HPGDS: variants seen among roughly 807,000 people sequenced by gnomAD.
The protein encoded by HPGDS is GST class-sigma.
HPGDS carries 26 observed loss-of-function variants against 23.1 expected under a neutral mutation model. The ratio of observed to expected loss-of-function variants is 1.13; its 90% CI spans 0.83 to 1.56. HPGDS has a LOEUF of 1.56. Among genes scored for constraint, HPGDS ranks in the 40% most tolerant of loss-of-function variants. The pLI is 0.00. For synonymous variants in HPGDS, 95 were observed against 77.9 expected (o/e 1.22, Z -1.16); for missense variants, 268 against 236.4 (o/e 1.13, Z -0.88).
chr4:94,299,414 G>T lies in HPGDS; in HGVS notation c.*66C>A. The T allele has an allele frequency of 1.4e-6, 2 of 1,381,410 alleles. No homozygotes were observed. Among genetic ancestry groups the T allele is most frequent in the African/African-American group, 1.4e-5 (1 of 69,350 alleles). The allele number at this position is 1,381,410 out of a possible 1,614,324, so 85.6% of individuals were successfully genotyped here. On this transcript the variant is annotated 3_prime_UTR_variant, in exon 6 of 6. Transcript: ENST00000295256. The stretch of plus-strand genomic sequence containing the variant: ...CATGTGGATTATCTGGCAGGCTGAT[G>T]TAGCTGTCTTATCTGATGAGAGAGA...
intron 1 of HPGDS, among the ~76,000 whole-genome samples, chr4:94,342,547 A>G (rs1721193999): frequency 6.6e-6 from 1 of 152,194 alleles, no homozygotes; most frequent in Admixed American, 6.5e-5. Context: ...TTTCTATGTT[A>G]AAATCCACTT....
chr4:94,314,074 A>T (rs1756340158), intron 3 of HPGDS, among the ~76,000 whole-genome samples: 3 of 152,232 alleles, frequency 2.0e-5, no homozygotes, highest in East Asian at 3.9e-4. Flanking sequence ...CTCCTTTGCC[A>T]TGGGTTCAAA....
chr4:94,332,865 CT>C (rs1756759370), intron 2 of HPGDS, among the ~76,000 whole-genome samples: 1 of 152,184 alleles, frequency 6.6e-6, no homozygotes, highest in Non-Finnish European at 1.5e-5. Flanking sequence ...CTTTACCATG[CT>C]TTGGCCTGCT....
intron 1 of HPGDS, among the ~76,000 whole-genome samples, chr4:94,336,452 G>A (rs1322114146): frequency 6.6e-6 from 1 of 152,146 alleles, no homozygotes; most frequent in Non-Finnish European, 1.5e-5. Flanking sequence ...GTTGTGGAGT[G>A]AAGCTGGTGC....
At chr4:94,325,872 G>A (rs765759131) in intron 2 of HPGDS, among the ~76,000 whole-genome samples, 59 of 152,118 alleles carry the variant, frequency 3.9e-4, no homozygotes, top group Admixed American at 1.9e-3. Context: ...CATCAGTCAC[G>A]CTGGGAGCTG....
chr4:94,299,516 A>C lies in HPGDS; in HGVS notation c.564T>G (p.Ala188=). 6.2e-7 allele frequency: 1 copy of C among 1,613,798 alleles called. No individual in the cohort carries two copies. The highest frequency in any genetic ancestry group is 8.5e-7 in the Non-Finnish European group (1 of 1,179,918). The part of the protein sequence containing the change: ...RKKVQAIPAV[A]NWIKRRPQTK... Reference sequence around the variant, plus strand: ...TTTGGGGCCTTCGTTTTATCCAGTTAGCGACGGCAGGAATGGCTTGGACTT... The same window carrying C: ...TTTGGGGCCTTCGTTTTATCCAGTTCGCGACGGCAGGAATGGCTTGGACTT... Residue 188 remains alanine, a synonymous_variant, in exon 6 of 6, where the codon GCT becomes GCG. Transcript: ENST00000295256.
At chr4:94,313,425 G>A (rs1003270788) in intron 3 of HPGDS, among the ~76,000 whole-genome samples, 1 of 152,156 alleles carries the variant, frequency 6.6e-6, no homozygotes, top group African/African-American at 2.4e-5. Flanking sequence ...ATGAAATTCT[G>A]GGTTGAAAAT....
chr4:94,306,837 T>G (rs901796258), intron 4 of HPGDS, among the ~76,000 whole-genome samples: 3 of 152,002 alleles, frequency 2.0e-5, no homozygotes, highest in Non-Finnish European at 4.4e-5. Context: ...GGAATTCTAC[T>G]ATAATGGAAC....
At position 94,313,610 on chromosome 4, in the gene HPGDS, T is replaced by C. The variant is rs1470848976; in HGVS notation, c.226+4263A>G. Among the ~76,000 whole-genome samples, 3 of 152,160 alleles carry C rather than the reference T, an allele frequency of 2.0e-5. 1 individual carries two copies. Among genetic ancestry groups the C allele is most frequent in the Non-Finnish European group, 2.9e-5 (2 of 68,038 alleles). ...TCAACTTTGGTGAATCTGACAATTATGTGTCTTGGAGTTGCTCTTCTCGAG... is the reference window on the plus strand; with the variant it reads ...TCAACTTTGGTGAATCTGACAATTACGTGTCTTGGAGTTGCTCTTCTCGAG... On this transcript the variant is annotated intron_variant, in intron 3 of 5. Coordinates refer to ENST00000295256, the MANE Select transcript of HPGDS (RefSeq NM_014485.3).
chr4:94,323,102 G>C (rs1019881035), intron 2 of HPGDS, among the ~76,000 whole-genome samples: 1 of 152,182 alleles, frequency 6.6e-6, no homozygotes, highest in African/African-American at 2.4e-5. Context: ...CTGAGTTCTA[G>C]TTTGATTGCA....
At chr4:94,323,210 G>A (rs950729145) in intron 2 of HPGDS, among the ~76,000 whole-genome samples, 1 of 152,122 alleles carries the variant, frequency 6.6e-6, no homozygotes, top group African/African-American at 2.4e-5. Context: ...GAATAAGTGT[G>A]GTGTGGTGCT....
intron 2 of HPGDS, among the ~76,000 whole-genome samples, chr4:94,323,451 C>T (rs1364707246): frequency 6.6e-6 from 1 of 152,210 alleles, no homozygotes; most frequent in Admixed American, 6.5e-5. Context: ...TGCTCCTCTA[C>T]CAGGTGCATA....
chr4:94,299,404 G>A lies in HPGDS; in HGVS notation c.*76C>T. 1.6e-6 allele frequency: 2 copies of A among 1,278,364 alleles called. No individual in the cohort carries two copies. The highest frequency in any genetic ancestry group is 2.1e-6 in the Non-Finnish European group (2 of 941,088). The allele number at this position is 1,278,364 out of a possible 1,614,324, so 79.2% of individuals were successfully genotyped here. A position where few individuals can be genotyped will look rare whatever the true frequency, so the allele number is the denominator to read the frequency against. ...GGGGAGGGAGCATGTGGATTATCTG[G>A]CAGGCTGATGTAGCTGTCTTATCTG... On this transcript the variant is annotated 3_prime_UTR_variant, in exon 6 of 6. Coordinates refer to ENST00000295256, the MANE Select transcript of HPGDS (RefSeq NM_014485.3).
chr4:94,334,482 A>G lies in HPGDS; in HGVS notation c.133+15T>C. 1 of 1,560,158 alleles carries G rather than the reference A, an allele frequency of 6.4e-7. No homozygotes were observed. The highest frequency in any genetic ancestry group is 8.7e-7 in the Non-Finnish European group (1 of 1,155,462). On this transcript the variant is annotated intron_variant, in intron 2 of 5. Coordinates refer to ENST00000295256, the MANE Select transcript of HPGDS (RefSeq NM_014485.3). Reference sequence around the variant, plus strand: ...AAAGCATATTTTTCCTACATTTATTATTTTTGCTACTTACTTGATTTGATT... The same window carrying G: ...AAAGCATATTTTTCCTACATTTATTGTTTTTGCTACTTACTTGATTTGATT...
At chr4:94,335,511 T>C (rs1299926929) in intron 1 of HPGDS, among the ~76,000 whole-genome samples, 2 of 152,256 alleles carry the variant, frequency 1.3e-5, no homozygotes, top group Admixed American at 6.5e-5. Flanking sequence ...ATGTTTTCAT[T>C]TGAAATTCAA....
At chr4:94,333,782 T>C (rs2126045583) in intron 2 of HPGDS, among the ~76,000 whole-genome samples, 1 of 152,366 alleles carries the variant, frequency 6.6e-6, no homozygotes, top group East Asian at 1.9e-4. Context: ...TTACATGTAA[T>C]ATCTGCACCT....
At position 94,299,510 on chromosome 4, in the gene HPGDS, C is replaced by T. The variant is rs151209426; in HGVS notation, c.570G>A (p.Trp190Ter). Reference sequence around the variant, plus strand: ...GTTTGGTTTGGGGCCTTCGTTTTATCCAGTTAGCGACGGCAGGAATGGCTT... The same window carrying T: ...GTTTGGTTTGGGGCCTTCGTTTTATTCAGTTAGCGACGGCAGGAATGGCTT... Reference protein sequence around the residue: ...KVQAIPAVANWIKRRPQTKL With the variant: ...KVQAIPAVAN Residue 190 changes from tryptophan to a stop codon, truncating the protein, a stop_gained, in exon 6 of 6, where the codon TGG (tryptophan) becomes TGA (stop). Transcript: ENST00000295256. LOFTEE classifies it high-confidence loss of function. 6.2e-7 allele frequency: 1 copy of T among 1,613,004 alleles called. No homozygotes were observed. Among genetic ancestry groups the T allele is most frequent in the South Asian group, 1.1e-5 (1 of 90,978 alleles).
intron 1 of HPGDS, among the ~76,000 whole-genome samples, chr4:94,340,650 CTTTTTTTTTTT>C (rs35678433): frequency 8.9e-5 from 2 of 22,462 alleles, no homozygotes; most frequent in Non-Finnish European, 1.5e-4. Flanking sequence ...GCCCCCCTCC[CTTTTTTTTTTT>C]TTTTTTTTTT....
chr4:94,299,455 C>T lies in HPGDS; in HGVS notation c.*25G>A. On this transcript the variant is annotated 3_prime_UTR_variant, in exon 6 of 6. Coordinates refer to ENST00000295256, the MANE Select transcript of HPGDS (RefSeq NM_014485.3). ...ATGAGAGAGATGCCCCCGAGAAAAA[C>T]AAACTTGAAGGCAACATGGATCAGC... The T allele has an allele frequency of 6.3e-7, 1 of 1,577,546 alleles. No individual in the cohort carries two copies. The highest frequency in any genetic ancestry group is 1.4e-5 in the African/African-American group (1 of 73,372).
Sources: gnomAD v4.1 joint callset for allele counts (sites outside exome capture counted in the v4.1 genomes callset) on GRCh38, gnomAD v4.1.1 for gene constraint, MANE v1.5 for transcripts, NCBI Gene and HGNC (gene_info 2026-07-23, HGNC 2026-07-21) for gene names.